CSMD1: variants seen among roughly 807,000 people sequenced by gnomAD.
CSMD1 encodes the protein CUB and Sushi multiple domains 1.
Under a neutral mutation model 417.5 loss-of-function variants are expected in CSMD1, and 213 were observed. The ratio of observed to expected loss-of-function variants is 0.51; its 90% CI spans 0.46 to 0.57. The LOEUF (loss-of-function observed/expected upper bound fraction) is 0.57, where lower values mean the gene tolerates loss of function less well. Among genes scored for constraint, CSMD1 ranks in the 20% least tolerant of loss-of-function variants. The pLI, the probability that CSMD1 is intolerant of heterozygous loss-of-function variation, is 0.00. For missense variants in CSMD1, 6,923 were observed against 4,529.7 expected (o/e 1.53, Z -15.17); for synonymous variants, 2,862 against 1,736.8 (o/e 1.65, Z -16.11).
At chr8:4,080,045 C>T (rs765508659) in intron 3 of CSMD1, among the ~76,000 whole-genome samples, 10 of 151,486 alleles carry the variant, frequency 6.6e-5, no homozygotes, top group Non-Finnish European at 1.2e-4. Context: ...GTGAGTGGCC[C>T]AGCTAGGAAT....
intron 5 of CSMD1, among the ~76,000 whole-genome samples, chr8:3,899,941 T>G (rs1277876746): frequency 6.6e-6 from 1 of 152,240 alleles, no homozygotes; most frequent in Non-Finnish European, 1.5e-5. Context: ...ATAACTTAAT[T>G]CCCATGGGAA....
intron 10 of CSMD1, among the ~76,000 whole-genome samples, chr8:3,559,075 A>C (rs1446227231): frequency 1.3e-5 from 2 of 152,232 alleles, no homozygotes; most frequent in African/African-American, 4.8e-5. Context: ...GAAGGATATT[A>C]TGCTGAAGAA....
At chr8:4,192,056 T>G (rs1344341125) in intron 3 of CSMD1, among the ~76,000 whole-genome samples, 4 of 152,146 alleles carry the variant, frequency 2.6e-5, no homozygotes. Context: ...ATTTGTGTTT[T>G]CATCTCAATA....
In CSMD1 at chr8:4,888,254, A is replaced by G. The variant is rs192607887; in HGVS notation, c.85+106078T>C. On this transcript the variant is annotated intron_variant, in intron 1 of 69. Coordinates refer to ENST00000635120, the MANE Select transcript of CSMD1 (RefSeq NM_033225.6). ...ATAAAGCTATATTTAGGAATCGATA[A>G]GGAGTAATTTTCAAGATATGTTGTT... 1.2e-3 allele frequency among the ~76,000 whole-genome samples: 184 copies of G among 152,216 alleles called. 2 individuals carry two copies. Among genetic ancestry groups the G allele is most frequent in the Admixed American group, 6.0e-3 (91 of 15,292 alleles).
At chr8:3,803,284 T>C (rs574420465) in intron 5 of CSMD1, among the ~76,000 whole-genome samples, 5 of 152,288 alleles carry the variant, frequency 3.3e-5, no homozygotes, top group South Asian at 2.1e-4. Flanking sequence ...TTGCATAAAG[T>C]TGACGGTTTA....
chr8:4,430,892 T>C (rs1313575618), intron 2 of CSMD1, among the ~76,000 whole-genome samples: 2 of 152,180 alleles, frequency 1.3e-5, no homozygotes, highest in African/African-American at 4.8e-5. Context: ...CACCAGCTTC[T>C]CCTGAATGGT....
chr8:3,756,036 G>C (rs915639175), intron 5 of CSMD1, among the ~76,000 whole-genome samples: 7 of 152,140 alleles, frequency 4.6e-5, no homozygotes, highest in Non-Finnish European at 7.4e-5. Context: ...CCACTCACCT[G>C]TACTTACTGA....
chr8:3,008,646 T>G (rs1381956005), intron 52 of CSMD1, among the ~76,000 whole-genome samples: 1 of 152,184 alleles, frequency 6.6e-6, no homozygotes, highest in East Asian at 1.9e-4. Context: ...GGGTGACCTA[T>G]GTTTTCTGGA....
chr8:3,490,784 G>A (rs2406294), intron 11 of CSMD1, among the ~76,000 whole-genome samples: 17,510 of 151,500 alleles, frequency 0.12, 1,375 homozygotes, highest in East Asian at 0.26. Flanking sequence ...GGCAGGCAGT[G>A]TGTGCGACGA....
At chr8:4,700,733 C>A (rs887071093) in intron 1 of CSMD1, among the ~76,000 whole-genome samples, 1 of 151,982 alleles carries the variant, frequency 6.6e-6, no homozygotes, top group African/African-American at 2.4e-5. Context: ...ATAAAGTCAG[C>A]ACATTTTATT....
intron 3 of CSMD1, among the ~76,000 whole-genome samples, chr8:4,393,345 T>A (rs1265694289): frequency 1.3e-5 from 2 of 152,126 alleles, no homozygotes; most frequent in Admixed American, 6.5e-5. Context: ...AGCAGAAAAA[T>A]CATTTTCTAA....
intron 3 of CSMD1, among the ~76,000 whole-genome samples, chr8:4,382,797 T>G (rs549671388): frequency 6.6e-6 from 1 of 152,320 alleles, no homozygotes; most frequent in South Asian, 2.1e-4. Flanking sequence ...GGCCCCTCAG[T>G]GTCAGATGCA....
chr8:3,085,830 G>A (rs1054909854), intron 49 of CSMD1, among the ~76,000 whole-genome samples: 2 of 152,158 alleles, frequency 1.3e-5, no homozygotes, highest in Non-Finnish European at 2.9e-5. Flanking sequence ...GGACTAGCAT[G>A]TGCCTGGCAT....
chr8:4,329,143 G>A (rs1036857052), intron 3 of CSMD1, among the ~76,000 whole-genome samples: 4 of 152,090 alleles, frequency 2.6e-5, no homozygotes, highest in African/African-American at 4.8e-5. Flanking sequence ...TGTGTTATCT[G>A]TCTTGAATGC....
At chr8:4,123,623 C>T (rs1209126003) in intron 3 of CSMD1, among the ~76,000 whole-genome samples, 1 of 151,956 alleles carries the variant, frequency 6.6e-6, no homozygotes, top group African/African-American at 2.4e-5. Flanking sequence ...GTCATTTTTC[C>T]TTTGATGATA....
At chr8:3,773,574 A>C (rs1400214175) in intron 5 of CSMD1, among the ~76,000 whole-genome samples, 1 of 152,198 alleles carries the variant, frequency 6.6e-6, no homozygotes. Context: ...GGCATGAGCC[A>C]CCACACCCGT....
intron 3 of CSMD1, among the ~76,000 whole-genome samples, chr8:4,189,944 G>C (rs1371111509): frequency 2.0e-5 from 3 of 151,632 alleles, no homozygotes; most frequent in Non-Finnish European, 4.4e-5. Context: ...CTAAAAAGCA[G>C]AGAGCATAGT....
At chr8:4,454,390 G>T (rs745931348) in intron 2 of CSMD1, among the ~76,000 whole-genome samples, 1 of 152,088 alleles carries the variant, frequency 6.6e-6, no homozygotes, top group Non-Finnish European at 1.5e-5. Flanking sequence ...TTCAAAATTT[G>T]GCTCTGGTAT....
chr8:3,599,905 G>C (rs575476461), intron 8 of CSMD1, among the ~76,000 whole-genome samples: 2 of 152,164 alleles, frequency 1.3e-5, no homozygotes, highest in African/African-American at 4.8e-5. Flanking sequence ...TCCCCTTCCA[G>C]AGGAAGCAAC....
Sources: gnomAD v4.1 joint callset for allele counts (sites outside exome capture counted in the v4.1 genomes callset) on GRCh38, gnomAD v4.1.1 for gene constraint, MANE v1.5 for transcripts, NCBI Gene and HGNC (gene_info 2026-07-23, HGNC 2026-07-21) for gene names.